PDIA5: variants seen among roughly 807,000 people sequenced by gnomAD.
PDIA5 encodes the protein protein disulfide-isomerase A5.
PDIA5 carries 58 observed loss-of-function variants against 77.6 expected under a neutral mutation model. The ratio of observed to expected loss-of-function variants is 0.75; its 90% CI spans 0.61 to 0.93. PDIA5 has a LOEUF of 0.93. PDIA5 is among the 40% of genes least tolerant of loss of function. The pLI, the probability that PDIA5 is intolerant of heterozygous loss-of-function variation, is 0.00. For missense variants in PDIA5, 630 were observed against 647.7 expected (o/e 0.97, Z 0.30); for synonymous variants, 250 against 252.1 (o/e 0.99, Z 0.08).
intron 15 of PDIA5, among the ~76,000 whole-genome samples, chr3:123,157,490 T>C (rs1025954382): frequency 2.0e-5 from 3 of 152,188 alleles, no homozygotes; most frequent in Non-Finnish European, 4.4e-5. Flanking sequence ...GTGTCCCTTG[T>C]TCAGGAATGC....
intron 3 of PDIA5, among the ~76,000 whole-genome samples, chr3:123,100,090 G>A (rs1934544358): frequency 6.6e-6 from 1 of 152,248 alleles, no homozygotes; most frequent in South Asian, 2.1e-4. Context: ...TTGCAGTTGG[G>A]TGGACGGTAG....
intron 1 of PDIA5, among the ~76,000 whole-genome samples, chr3:123,084,843 C>A (rs918163411): frequency 4.6e-5 from 7 of 152,200 alleles, no homozygotes; most frequent in African/African-American, 1.4e-4. Flanking sequence ...AGCCACCCAG[C>A]AGGGCCCTCC....
At chr3:123,154,634 C>T (rs1935978827) in intron 14 of PDIA5, among the ~76,000 whole-genome samples, 4 of 152,156 alleles carry the variant, frequency 2.6e-5, no homozygotes, top group Admixed American at 2.6e-4. Context: ...CCGTGCCTTC[C>T]TCTTTAAGCC....
At chr3:123,080,079 A>G (rs1214126649) in intron 1 of PDIA5, among the ~76,000 whole-genome samples, 2 of 151,992 alleles carry the variant, frequency 1.3e-5, no homozygotes, top group African/African-American at 2.4e-5. Context: ...AGGAATTAGG[A>G]TATTTCACCT....
intron 11 of PDIA5, among the ~76,000 whole-genome samples, chr3:123,137,284 A>G (rs1935524541): frequency 6.6e-6 from 1 of 152,230 alleles, no homozygotes; most frequent in South Asian, 2.1e-4. Context: ...ACATCTTTTC[A>G]TGTGATAATC....
intron 2 of PDIA5, 79 bp from the exon 3 acceptor site, chr3:123,092,276 C>G: frequency 1.7e-6 from 2 of 1,197,106 alleles, no homozygotes; most frequent in Non-Finnish European, 2.5e-6. Context: ...TCCATCCTTC[C>G]TCACCCCTGA....
intron 11 of PDIA5, among the ~76,000 whole-genome samples, chr3:123,133,976 T>C (rs1318234470): frequency 6.7e-6 from 1 of 148,960 alleles, no homozygotes; most frequent in African/African-American, 2.5e-5. Context: ...TGTTTTCTTT[T>C]CTTTTCTTTT....
chr3:123,068,494 C>T (rs1933638775), intron 1 of PDIA5, among the ~76,000 whole-genome samples: 1 of 152,154 alleles, frequency 6.6e-6, no homozygotes, highest in South Asian at 2.1e-4. Context: ...TGCTGGTTTG[C>T]CATCAGTTCC....
chr3:123,106,889 T>C, intron 6 of PDIA5, 48 bp downstream of exon 6: 4 of 1,272,694 alleles, frequency 3.1e-6, no homozygotes, highest in Non-Finnish European at 4.5e-6. Flanking sequence ...GCTTCCCTGG[T>C]ACCAGGGCCT....
chr3:123,118,830 T>A (rs1935049141), intron 8 of PDIA5, among the ~76,000 whole-genome samples: 1 of 152,236 alleles, frequency 6.6e-6, no homozygotes. Context: ...TTAAGCTCTA[T>A]ATTAAAAGTG....
At chr3:123,113,376 C>T (rs1160354575) in intron 7 of PDIA5, among the ~76,000 whole-genome samples, 1 of 152,142 alleles carries the variant, frequency 6.6e-6, no homozygotes, top group Non-Finnish European at 1.5e-5. Flanking sequence ...GGCAGTGTGC[C>T]CATCCCATCC....
intron 5 of PDIA5, among the ~76,000 whole-genome samples, chr3:123,103,570 T>C (rs1934656967): frequency 6.6e-6 from 1 of 152,188 alleles, no homozygotes; most frequent in Admixed American, 6.5e-5. Flanking sequence ...CTCTTCCATT[T>C]TTCCTATCTG....
chr3:123,130,760 G>A (rs1407618883), intron 11 of PDIA5, 144 bp downstream of exon 11: 13 of 869,162 alleles, frequency 1.5e-5, no homozygotes, highest in Non-Finnish European at 2.2e-5. Flanking sequence ...AGTGGTGACA[G>A]GCGAGGTCCC....
Position 123,161,381 on chromosome 3 carries a change from G to A in PDIA5, c.1405G>A (p.Ala469Thr), listed in dbSNP as rs61996317. ...GAACCAAGACCTGTGCCAGCAGGAG[G>A]CGGTCAAGGGCTACCCCACTTTCCA... ...DKNQDLCQQEAVKGYPTFHYY... is the reference protein window; with the variant it reads ...DKNQDLCQQETVKGYPTFHYY... Residue 469 changes from alanine to threonine, a missense_variant, in exon 16 of 17, where the codon GCG (alanine) becomes ACG (threonine). Coordinates refer to ENST00000316218, the MANE Select transcript of PDIA5 (RefSeq NM_006810.4). 1,074 of 1,614,164 alleles carry A rather than the reference G, an allele frequency of 6.7e-4. 7 individuals carry two copies. In the African/African-American group the frequency reaches 0.011, roughly 17 times the overall value.
chr3:123,131,734 A>G (rs1935375198), intron 11 of PDIA5, among the ~76,000 whole-genome samples: 1 of 151,756 alleles, frequency 6.6e-6, no homozygotes, highest in East Asian at 1.9e-4. Flanking sequence ...GTGGCCCAGG[A>G]GTTTTCTGGA....
At chr3:123,152,993 A>T (rs1935948248) in intron 14 of PDIA5, among the ~76,000 whole-genome samples, 2 of 151,744 alleles carry the variant, frequency 1.3e-5, no homozygotes, top group Non-Finnish European at 2.9e-5. Flanking sequence ...CCTACATTAA[A>T]TAAAAAAAAT....
At chr3:123,076,819 C>T (rs1010160795) in intron 1 of PDIA5, among the ~76,000 whole-genome samples, 1 of 152,226 alleles carries the variant, frequency 6.6e-6, no homozygotes, top group Non-Finnish European at 1.5e-5. Flanking sequence ...CCCCTCTTGG[C>T]TCAAGAAGAG....
intron 13 of PDIA5, among the ~76,000 whole-genome samples, chr3:123,147,729 C>T (rs529079226): frequency 6.6e-6 from 1 of 152,318 alleles, no homozygotes; most frequent in East Asian, 1.9e-4. Context: ...TGGTTTGCCT[C>T]TGAAAGGCAC....
intron 10 of PDIA5, among the ~76,000 whole-genome samples, chr3:123,128,426 A>G (rs1455554166): frequency 6.6e-6 from 1 of 152,148 alleles, no homozygotes; most frequent in Non-Finnish European, 1.5e-5. Flanking sequence ...TCTCCATCCT[A>G]TATTTGTGCA....
Sources: allele counts gnomAD v4.1 joint callset (sites outside exome capture counted in the v4.1 genomes callset), GRCh38; gene constraint gnomAD v4.1.1; transcripts MANE v1.5; gene names NCBI Gene and HGNC (gene_info 2026-07-23, HGNC 2026-07-21).